The following EPHA6 variants were observed in gnomAD, a reference collection of about 807,000 sequenced individuals.
EPHA6 encodes the protein ephrin type-A receptor 6.
In EPHA6, 50 loss-of-function variants were observed where a neutral mutation model predicts 112.0. The ratio of observed to expected loss-of-function variants is 0.45; its 90% CI spans 0.36 to 0.56. The LOEUF is 0.56. EPHA6 is among the 20% of genes least tolerant of loss of function. The probability of loss-of-function intolerance (pLI) is 0.00; values close to 1 mark genes in which losing one functional copy is unlikely to be tolerated. For missense variants in EPHA6, 1,280 were observed against 1,417.4 expected (o/e 0.90, Z 1.56); for synonymous variants, 529 against 490.7 (o/e 1.08, Z -1.03).
chr3:97,226,503 T>C (rs2078360579), intron 4 of EPHA6, 84 bp downstream of exon 4: 1 of 1,290,282 alleles, frequency 7.8e-7, no homozygotes, highest in East Asian at 2.4e-5. Context: ...TAAGTAAATG[T>C]ACAAAATCTT....
intron 6 of EPHA6, among the ~76,000 whole-genome samples, chr3:97,413,709 T>C (rs1481503902): frequency 1.3e-5 from 2 of 151,954 alleles, no homozygotes; most frequent in Non-Finnish European, 1.5e-5. Flanking sequence ...CACGGTGAGT[T>C]TGGGGTCCTG....
intron 14 of EPHA6, among the ~76,000 whole-genome samples, chr3:97,641,232 C>G (rs1294665182): frequency 6.6e-6 from 1 of 152,140 alleles, no homozygotes; most frequent in East Asian, 1.9e-4. Context: ...GCCAAATGAT[C>G]ATTGGCATTC....
chr3:97,109,434 T>C (rs190950449), intron 3 of EPHA6, among the ~76,000 whole-genome samples: 1 of 152,288 alleles, frequency 6.6e-6, no homozygotes, highest in East Asian at 1.9e-4. Flanking sequence ...AGAATAAATC[T>C]TTTCTACTTG....
chr3:96,833,458 G>C (rs1252283967), intron 1 of EPHA6, among the ~76,000 whole-genome samples: 2 of 151,892 alleles, frequency 1.3e-5, no homozygotes, highest in South Asian at 4.1e-4. Context: ...TCTGTGTTCT[G>C]TGTCACCCAG....
chr3:97,491,833 T>C (rs1577562374), intron 10 of EPHA6, among the ~76,000 whole-genome samples: 1 of 151,884 alleles, frequency 6.6e-6, no homozygotes, highest in Non-Finnish European at 1.5e-5. Context: ...CATGTGTTTG[T>C]AGGCAGTGTT....
intron 10 of EPHA6, among the ~76,000 whole-genome samples, chr3:97,492,974 C>CTTTTTTTTT (rs373733285): frequency 7.6e-6 from 1 of 130,918 alleles, no homozygotes; most frequent in African/African-American, 2.7e-5. Flanking sequence ...TAAGCTTTTC[C>CTTTTTTTTT]TTTTTTTTTT....
intron 3 of EPHA6, among the ~76,000 whole-genome samples, chr3:97,167,234 A>ATG (rs1456228398): frequency 8.5e-5 from 13 of 152,322 alleles, no homozygotes; most frequent in African/African-American, 3.1e-4. Flanking sequence ...AATCAAAAGC[A>ATG]TGTATTCCCT....
chr3:96,988,994 CA>C (rs908005773), intron 3 of EPHA6, among the ~76,000 whole-genome samples: 1 of 151,792 alleles, frequency 6.6e-6, no homozygotes, highest in Non-Finnish European at 1.5e-5. Flanking sequence ...GACTCATAAT[CA>C]AAACACAAAT....
At chr3:97,057,064 T>A (rs575902319) in intron 3 of EPHA6, among the ~76,000 whole-genome samples, 1 of 152,318 alleles carries the variant, frequency 6.6e-6, no homozygotes, top group South Asian at 2.1e-4. Context: ...CAGAGTTACA[T>A]AATCCATTCT....
At chr3:96,953,844 C>T (rs970641239) in intron 2 of EPHA6, among the ~76,000 whole-genome samples, 1 of 151,894 alleles carries the variant, frequency 6.6e-6, no homozygotes, top group East Asian at 1.9e-4. Flanking sequence ...CAAATCCAGG[C>T]TTTGTCTCCT....
chr3:96,916,746 G>A (rs577439633), intron 2 of EPHA6, among the ~76,000 whole-genome samples: 10 of 152,186 alleles, frequency 6.6e-5, no homozygotes, highest in Admixed American at 3.3e-4. Context: ...ACTTATTAGC[G>A]CTTGAGAATA....
intron 2 of EPHA6, among the ~76,000 whole-genome samples, chr3:96,925,605 G>GTT (rs34393123): frequency 0.029 from 3,944 of 136,532 alleles, 216 homozygotes; most frequent in African/African-American, 0.098. Flanking sequence ...TTGATTTGCT[G>GTT]TTTTTTTTTT....
intron 2 of EPHA6, among the ~76,000 whole-genome samples, chr3:96,874,642 A>G (rs764393360): frequency 3.2e-4 from 49 of 152,226 alleles, no homozygotes; most frequent in Admixed American, 7.2e-4. Context: ...TCCCTTGCCC[A>G]TATGTTATTG....
Position 96,851,958 on chromosome 3 carries a change from T to C in EPHA6, c.386-14867T>C, listed in dbSNP as rs145011133. Among the ~76,000 whole-genome samples, 38 of 152,258 alleles carry C rather than the reference T, an allele frequency of 2.5e-4. No homozygotes were observed. In the East Asian group the frequency reaches 7.0e-3, roughly 28 times the overall value. On this transcript the variant is annotated intron_variant, in intron 1 of 17. Transcript: ENST00000389672. ...GGTAATACTGGAGAAATATCGTCTTTAAGAGAAATGTAGGGAAAGTCTTAA... is the reference window on the plus strand; with the variant it reads ...GGTAATACTGGAGAAATATCGTCTTCAAGAGAAATGTAGGGAAAGTCTTAA...
At chr3:97,646,291 A>G (rs528140756) in intron 14 of EPHA6, 11 of 1,530,102 alleles carry the variant, frequency 7.2e-6, no homozygotes, top group Non-Finnish European at 8.7e-7. Flanking sequence ...CAATGTGACA[A>G]GAGAGATAAC....
chr3:97,702,445 C>T (rs1441243489), intron 14 of EPHA6, among the ~76,000 whole-genome samples: 3 of 152,070 alleles, frequency 2.0e-5, no homozygotes, highest in Admixed American at 6.6e-5. Flanking sequence ...TAGATGAGCA[C>T]TTAGAAAAGG....
At chr3:97,707,591 A>G (rs1362175676) in intron 14 of EPHA6, among the ~76,000 whole-genome samples, 1 of 152,228 alleles carries the variant, frequency 6.6e-6, no homozygotes, top group Non-Finnish European at 1.5e-5. Flanking sequence ...TTTCTCAACT[A>G]TGAACCTGAG....
At chr3:97,664,180 T>A (rs1310732728) in intron 14 of EPHA6, among the ~76,000 whole-genome samples, 1 of 152,086 alleles carries the variant, frequency 6.6e-6, no homozygotes, top group Non-Finnish European at 1.5e-5. Context: ...TTTGATGGGG[T>A]TGTTTGTTTT....
At chr3:97,543,081 C>A (rs1325605971) in intron 11 of EPHA6, among the ~76,000 whole-genome samples, 1 of 152,158 alleles carries the variant, frequency 6.6e-6, no homozygotes, top group Non-Finnish European at 1.5e-5. Flanking sequence ...TTTTGCTGTG[C>A]AGAAGCTCTT....
Sources: gnomAD v4.1 joint callset for allele counts (sites outside exome capture counted in the v4.1 genomes callset) on GRCh38, gnomAD v4.1.1 for gene constraint, MANE v1.5 for transcripts, NCBI Gene and HGNC (gene_info 2026-07-23, HGNC 2026-07-21) for gene names.